Variants in RBFOX3 observed in about 807,000 individuals in gnomAD.
The protein encoded by RBFOX3 is RNA binding protein fox-1 homolog 3.
RBFOX3 carries 17 observed loss-of-function variants against 48.7 expected under a neutral mutation model. That is an observed-to-expected ratio of 0.35 (90% CI 0.24 to 0.52). RBFOX3 has a LOEUF of 0.52. Ranked by LOEUF, RBFOX3 falls within the 20% of genes least tolerant of loss-of-function variation. RBFOX3 has a pLI of 0.94. For missense variants in RBFOX3, 382 were observed against 497.5 expected (o/e 0.77, Z 2.21); for synonymous variants, 212 against 209.5 (o/e 1.01, Z -0.10).
chr17:79,154,861 A>G (rs1458975333), intron 4 of RBFOX3, among the ~76,000 whole-genome samples: 1 of 152,332 alleles, frequency 6.6e-6, no homozygotes, highest in South Asian at 2.1e-4. Context: ...GCACCTGCAC[A>G]GGTGCACATG....
intron 4 of RBFOX3, among the ~76,000 whole-genome samples, chr17:79,145,759 C>A (rs1039279925): frequency 5.4e-5 from 8 of 148,360 alleles, no homozygotes; most frequent in Non-Finnish European, 1.2e-4. Flanking sequence ...CCCACTGACA[C>A]GTGGATCCAT....
chr17:79,619,475 G>A, the RBFOX3 span, among the ~76,000 whole-genome samples: 5 of 152,256 alleles, frequency 3.3e-5, no homozygotes, highest in South Asian at 4.1e-4. Context: ...TCTGACCTCC[G>A]CCTCTGTCTT....
chr17:79,619,876 G>A, the RBFOX3 span, among the ~76,000 whole-genome samples: 2 of 152,140 alleles, frequency 1.3e-5, no homozygotes, highest in South Asian at 4.1e-4. Context: ...TCCTCTGGCC[G>A]TCGTCCAGGT....
intron 4 of RBFOX3, among the ~76,000 whole-genome samples, chr17:79,178,664 G>A (rs1003627574): frequency 4.6e-5 from 7 of 152,192 alleles, no homozygotes; most frequent in African/African-American, 1.7e-4. Flanking sequence ...ACCCACAAAT[G>A]TAACCGAGCT....
rs940795225 is a variant in RBFOX3 at position 79,274,571 on chromosome 17, GT to G, written c.-74+33152del. On this transcript the variant is annotated intron_variant, in intron 3 of 14. Coordinates refer to ENST00000693108, the MANE Select transcript of RBFOX3 (RefSeq NM_001350451.2). ...CTCCCACCTGCCCTGGGCAGAGGCTGTTCCTGGTCGTGGGGCTCAGGGAGCC... is the reference window on the plus strand; with the variant it reads ...CTCCCACCTGCCCTGGGCAGAGGCTGTCCTGGTCGTGGGGCTCAGGGAGCC... Among the ~76,000 whole-genome samples, 26 of 152,248 alleles carry G rather than the reference GT, an allele frequency of 1.7e-4. 1 individual carries two copies. Among genetic ancestry groups the G allele is most frequent in the African/African-American group, 6.0e-4 (25 of 41,530 alleles).
the RBFOX3 span, among the ~76,000 whole-genome samples, chr17:79,657,843 G>A: frequency 5.9e-5 from 9 of 152,192 alleles, no homozygotes; most frequent in East Asian, 1.9e-4. Context: ...GTTTCCCTCC[G>A]TTTTTAAAGA....
At position 79,477,232 on chromosome 17, in the gene RBFOX3, C is replaced by CACCGG. The variant is rs2077950832; in HGVS notation, c.-175+5221_-175+5222insCCGGT. ...TGGGTGAAAGAGCAAGGCTCCGTTT[C>CACCGG]AAAAAAAAATAAATAAAGATAAATT... On this transcript the variant is annotated intron_variant, in intron 2 of 14. Transcript: ENST00000693108. This position sits in a 1 kb window ranked among gnomAD's most constrained non-coding sequence, Gnocchi z 4.8. Among the ~76,000 whole-genome samples the CACCGG allele has an allele frequency of 1.2e-5, 1 of 80,346 alleles. No individual in the cohort carries two copies. Among genetic ancestry groups the CACCGG allele is most frequent in the Non-Finnish European group, 2.4e-5 (1 of 40,962 alleles). The allele number at this position is 80,346 out of a possible 152,430, so 52.7% of individuals were successfully genotyped here.
At position 79,349,607 on chromosome 17, in the gene RBFOX3, C is replaced by T. The variant is rs540742385; in HGVS notation, c.-174-41783G>A. 5.3e-5 allele frequency among the ~76,000 whole-genome samples: 8 copies of T among 152,158 alleles called. No homozygotes were observed. In the South Asian group the frequency reaches 6.2e-4, roughly 12 times the overall value. ...TCTTTCATGTTTCCACTGGTTTGTG[C>T]GACTCCAGTCTGATGTCTGGTGATC... On this transcript the variant is annotated intron_variant, in intron 2 of 14. Transcript: ENST00000693108.
chr17:79,631,366 G>A, the RBFOX3 span, among the ~76,000 whole-genome samples: 43 of 152,202 alleles, frequency 2.8e-4, no homozygotes, highest in East Asian at 3.5e-3. Flanking sequence ...GAAGAAAGTC[G>A]TTGACTGCAA....
chr17:79,604,567 T>C (rs2093784769), intron 1 of RBFOX3, among the ~76,000 whole-genome samples: 1 of 152,242 alleles, frequency 6.6e-6, no homozygotes. Context: ...GAACAGACCC[T>C]GGAGCTTCAG....
intron 2 of RBFOX3, among the ~76,000 whole-genome samples, chr17:79,367,813 G>C (rs549261173): frequency 6.6e-6 from 1 of 152,122 alleles, no homozygotes; most frequent in Non-Finnish European, 1.5e-5. Context: ...ATCAGAGCCC[G>C]CCTGGCCCCC....
chr17:79,231,375 G>T (rs1213834577), intron 4 of RBFOX3, among the ~76,000 whole-genome samples: 1 of 152,182 alleles, frequency 6.6e-6, no homozygotes, highest in African/African-American at 2.4e-5. Context: ...TCACTAGTCA[G>T]ATTGGAACAG....
intron 1 of RBFOX3, among the ~76,000 whole-genome samples, chr17:79,564,433 T>G (rs1400843560): frequency 2.0e-5 from 3 of 152,208 alleles, no homozygotes; most frequent in Middle Eastern, 3.2e-3. Flanking sequence ...CGAGCTGGCC[T>G]TGCTGGCTGG....
chr17:79,164,862 A>ACC (rs1193463789), intron 4 of RBFOX3, among the ~76,000 whole-genome samples: 1 of 152,088 alleles, frequency 6.6e-6, no homozygotes, highest in Non-Finnish European at 1.5e-5. Context: ...GGCAGAACTC[A>ACC]CCCTTAACTT....
At chr17:79,372,071 G>A (rs12949424) in intron 2 of RBFOX3, among the ~76,000 whole-genome samples, 43,544 of 151,882 alleles carry the variant, frequency 0.29, 6,424 homozygotes, top group African/African-American at 0.37. Context: ...GGCCTAGCAC[G>A]GTGAATGCAC....
intron 1 of RBFOX3, among the ~76,000 whole-genome samples, chr17:79,530,297 T>C (rs943316009): frequency 0.18 from 27,996 of 152,086 alleles, 6,754 homozygotes; most frequent in African/African-American, 0.56. Context: ...AGGGATGTTG[T>C]CATGCTGTGG....
intron 1 of RBFOX3, among the ~76,000 whole-genome samples, chr17:79,513,828 C>A (rs2084865251): frequency 6.6e-6 from 1 of 152,206 alleles, no homozygotes; most frequent in African/African-American, 2.4e-5. Flanking sequence ...GTTCCTGGGT[C>A]TATGGGGGCC....
At chr17:79,186,443 C>T (rs1336959359) in intron 4 of RBFOX3, among the ~76,000 whole-genome samples, 2 of 152,218 alleles carry the variant, frequency 1.3e-5, no homozygotes, top group Admixed American at 6.5e-5. Flanking sequence ...AGGAACCATG[C>T]CCTCATCACC....
chr17:79,661,038 CA>C, the RBFOX3 span, among the ~76,000 whole-genome samples: 1 of 152,102 alleles, frequency 6.6e-6, no homozygotes, highest in South Asian at 2.1e-4. Context: ...AACAGAAAAC[CA>C]AACACAACAT....
Sources: gnomAD v4.1 joint callset for allele counts (sites outside exome capture counted in the v4.1 genomes callset) on GRCh38, gnomAD v4.1.1 for gene constraint, Gnocchi (gnomAD v3.1) non-coding constraint, MANE v1.5 for transcripts, NCBI Gene and HGNC (gene_info 2026-07-23, HGNC 2026-07-21) for gene names.